The following TMEM132B variants were observed in gnomAD, a reference collection of about 807,000 sequenced individuals.
TMEM132B encodes the protein transmembrane protein 132B.
TMEM132B carries 18 observed loss-of-function variants against 90.8 expected under a neutral mutation model. The observed-to-expected ratio is 0.20, with a 90% CI of 0.14 to 0.29. The LOEUF is 0.29. Among genes scored for constraint, TMEM132B ranks in the 10% least tolerant of loss-of-function variants. The pLI, the probability that TMEM132B is intolerant of heterozygous loss-of-function variation, is 1.00. For synonymous variants in TMEM132B, 504 were observed against 523.3 expected (o/e 0.96, Z 0.50); for missense variants, 1,096 against 1,326.8 (o/e 0.83, Z 2.70).
intron 4 of TMEM132B, among the ~76,000 whole-genome samples, chr12:125,528,167 T>G (rs532350025): frequency 6.6e-6 from 1 of 152,144 alleles, no homozygotes; most frequent in African/African-American, 2.4e-5. Context: ...AGGCACAAAT[T>G]TGCCTTTTTC....
intron 1 of TMEM132B, among the ~76,000 whole-genome samples, chr12:125,321,266 T>G (rs1876418619): frequency 6.6e-6 from 1 of 152,180 alleles, no homozygotes; most frequent in African/African-American, 2.4e-5. Context: ...ACTTTTACAT[T>G]TTGTGTTTTG....
intron 2 of TMEM132B, among the ~76,000 whole-genome samples, chr12:125,413,401 G>T (rs1444294815): frequency 6.6e-6 from 1 of 151,846 alleles, no homozygotes; most frequent in Non-Finnish European, 1.5e-5. Flanking sequence ...TACATTCACA[G>T]TGCCGTTGGA....
intron 1 of TMEM132B, among the ~76,000 whole-genome samples, chr12:125,328,061 G>A (rs1005709779): frequency 5.3e-5 from 8 of 152,296 alleles, no homozygotes; most frequent in East Asian, 3.9e-4. Flanking sequence ...CTGGGCCATC[G>A]CATTCATTTC....
At chr12:125,216,298 A>G (rs926207459) in intron 1 of TMEM132B, among the ~76,000 whole-genome samples, 1 of 151,994 alleles carries the variant, frequency 6.6e-6, no homozygotes, top group African/African-American at 2.4e-5. Flanking sequence ...GGCTTGAAGC[A>G]GGGGAGAAGC....
At chr12:125,528,537 G>A (rs1343212016) in intron 4 of TMEM132B, among the ~76,000 whole-genome samples, 1 of 152,108 alleles carries the variant, frequency 6.6e-6, no homozygotes, top group Non-Finnish European at 1.5e-5. Context: ...CTTCTGTGCC[G>A]AGCACTGTTC....
At chr12:125,501,676 TG>T (rs1423565724) in intron 3 of TMEM132B, among the ~76,000 whole-genome samples, 1 of 152,212 alleles carries the variant, frequency 6.6e-6, no homozygotes, top group Non-Finnish European at 1.5e-5. Flanking sequence ...TGGGATGCCA[TG>T]GCTGAATAAT....
At chr12:125,401,052 G>A (rs933051522) in intron 2 of TMEM132B, among the ~76,000 whole-genome samples, 13 of 152,154 alleles carry the variant, frequency 8.5e-5, no homozygotes, top group African/African-American at 2.4e-4. Flanking sequence ...ATTCTGATAT[G>A]CTTGAAAGTT....
At chr12:125,341,024 T>C (rs1566007051) in intron 1 of TMEM132B, among the ~76,000 whole-genome samples, 1 of 152,258 alleles carries the variant, frequency 6.6e-6, no homozygotes, top group Non-Finnish European at 1.5e-5. Context: ...AGTGTCCAAA[T>C]AGTGACCTCA....
intron 2 of TMEM132B, among the ~76,000 whole-genome samples, chr12:125,380,433 C>A (rs1322887489): frequency 9.9e-5 from 15 of 152,164 alleles, no homozygotes; most frequent in Admixed American, 9.8e-4. Flanking sequence ...TCTGGATGGA[C>A]ATATATTTTG....
chr12:125,234,734 T>G (rs1055547293), intron 1 of TMEM132B, among the ~76,000 whole-genome samples: 2 of 152,214 alleles, frequency 1.3e-5, no homozygotes, highest in Non-Finnish European at 2.9e-5. Flanking sequence ...AGGTTCTGTG[T>G]GTCACCAGAC....
At chr12:125,647,280 C>T (rs1286716481) in intron 6 of TMEM132B, among the ~76,000 whole-genome samples, 2 of 152,100 alleles carry the variant, frequency 1.3e-5, no homozygotes, top group African/African-American at 2.4e-5. Flanking sequence ...GAAAAGGTGT[C>T]GGGCTCAAAC....
intron 5 of TMEM132B, among the ~76,000 whole-genome samples, chr12:125,620,763 G>A (rs576851046): frequency 6.6e-6 from 1 of 152,318 alleles, no homozygotes; most frequent in South Asian, 2.1e-4. Context: ...TGGCAGGAAG[G>A]AGAAGTAACA....
intron 4 of TMEM132B, among the ~76,000 whole-genome samples, chr12:125,545,643 G>A (rs1002699363): frequency 6.6e-6 from 1 of 152,188 alleles, no homozygotes; most frequent in Non-Finnish European, 1.5e-5. Flanking sequence ...ACGGTTCAAC[G>A]ATAATCAGTC....
chr12:125,576,385 T>C (rs1046658726), intron 4 of TMEM132B, among the ~76,000 whole-genome samples: 5 of 152,048 alleles, frequency 3.3e-5, no homozygotes, highest in Non-Finnish European at 7.4e-5. Context: ...TGGAATTTTC[T>C]AGGTATGGGA....
At chr12:125,235,558 C>T (rs1417579566) in intron 1 of TMEM132B, among the ~76,000 whole-genome samples, 2 of 151,956 alleles carry the variant, frequency 1.3e-5, no homozygotes, top group Admixed American at 6.6e-5. Flanking sequence ...CCATCTCTAC[C>T]TACTTCCAAA....
chr12:125,650,607 A>G, intron 6 of TMEM132B, 76 bp from the exon 7 acceptor site: 1 of 1,536,522 alleles, frequency 6.5e-7, no homozygotes, highest in Non-Finnish European at 8.8e-7. Flanking sequence ...GGGCTCACCT[A>G]GAATCTGAAA....
chr12:125,625,158 A>G (rs1433862032), intron 5 of TMEM132B, among the ~76,000 whole-genome samples: 1 of 73,262 alleles, frequency 1.4e-5, no homozygotes, highest in Admixed American at 1.7e-4. Flanking sequence ...TTTGAGACTG[A>G]GTCTCGCTCT....
intron 2 of TMEM132B, among the ~76,000 whole-genome samples, chr12:125,373,479 G>A (rs1032013096): frequency 1.3e-5 from 2 of 152,198 alleles, no homozygotes; most frequent in Non-Finnish European, 2.9e-5. Flanking sequence ...CCAAGGAGAG[G>A]TCTCGGAAGA....
At chr12:125,267,686 C>G (rs748552462) in intron 1 of TMEM132B, among the ~76,000 whole-genome samples, 12 of 152,078 alleles carry the variant, frequency 7.9e-5, no homozygotes, top group Middle Eastern at 3.2e-3. Flanking sequence ...GACTGTGGCT[C>G]ATTACAGAGC....
Sources: gnomAD v4.1 joint callset for allele counts (sites outside exome capture counted in the v4.1 genomes callset) on GRCh38, gnomAD v4.1.1 for gene constraint, MANE v1.5 for transcripts, NCBI Gene and HGNC (gene_info 2026-07-23, HGNC 2026-07-21) for gene names.